Variants in C13orf46 observed in about 807,000 individuals in gnomAD.
C13orf46 encodes uncharacterized protein C13orf46.
the C13orf46 span, among the ~76,000 whole-genome samples, chr13:113,947,608 G>A: frequency 6.6e-6 from 1 of 152,204 alleles, no homozygotes; most frequent in Admixed American, 6.5e-5. Flanking sequence ...GGTGGAGCGG[G>A]GAGCTGGCAG....
the C13orf46 span, among the ~76,000 whole-genome samples, chr13:113,938,180 A>C: frequency 6.6e-6 from 1 of 152,116 alleles, no homozygotes; most frequent in Non-Finnish European, 1.5e-5. Flanking sequence ...GCCTCTCTGG[A>C]CCCAATAATT....
At chr13:113,933,926 G>A in the C13orf46 span, among the ~76,000 whole-genome samples, 309 of 152,268 alleles carry the variant, frequency 2.0e-3, no homozygotes, top group African/African-American at 7.1e-3. Context: ...CTAGGTTTCC[G>A]TGTGTTTGTT....
chr13:113,969,380 T>C (rs1470088679), intron 2 of C13orf46, among the ~76,000 whole-genome samples: 1 of 152,216 alleles, frequency 6.6e-6, no homozygotes, highest in African/African-American at 2.4e-5. Flanking sequence ...TCTTCCCAGC[T>C]CAACTGCCCT....
downstream of C13orf46, among the ~76,000 whole-genome samples, chr13:113,951,098 C>T (rs1177693307): frequency 6.6e-6 from 1 of 152,208 alleles, no homozygotes; most frequent in Non-Finnish European, 1.5e-5. Flanking sequence ...CCCTCATGGG[C>T]GTGTGGTCCT....
At chr13:113,929,222 G>A in the C13orf46 span, among the ~76,000 whole-genome samples, 1 of 152,344 alleles carries the variant, frequency 6.6e-6, no homozygotes, top group South Asian at 2.1e-4. Context: ...GCTGATGTCT[G>A]GAAGACAGTA....
At chr13:113,973,357 T>G (rs1331328092) in intron 1 of C13orf46, among the ~76,000 whole-genome samples, 1 of 152,168 alleles carries the variant, frequency 6.6e-6, no homozygotes, top group Non-Finnish European at 1.5e-5. Flanking sequence ...GAGACAAGTG[T>G]GTCCGACAGC....
intron 6 of C13orf46, among the ~76,000 whole-genome samples, chr13:113,964,417 A>G (rs1414936067): frequency 2.0e-5 from 3 of 152,130 alleles, no homozygotes; most frequent in Non-Finnish European, 4.4e-5. Flanking sequence ...GCCTGGGGAC[A>G]CGGATCATCT....
At chr13:113,957,266 T>C (rs1276696364) in intron 6 of C13orf46, among the ~76,000 whole-genome samples, 236 of 70,192 alleles carry the variant, frequency 3.4e-3, no homozygotes, top group Middle Eastern at 0.033. Context: ...TGCATGCACC[T>C]CCTTTCATCA....
chr13:113,948,203 C>T, the C13orf46 span, among the ~76,000 whole-genome samples: 1 of 152,184 alleles, frequency 6.6e-6, no homozygotes, highest in Non-Finnish European at 1.5e-5. Context: ...AGGAACCAGC[C>T]CCAGAAGAGC....
chr13:113,939,380 T>C, the C13orf46 span, among the ~76,000 whole-genome samples: 1 of 148,482 alleles, frequency 6.7e-6, no homozygotes, highest in African/African-American at 2.6e-5. Flanking sequence ...GACCACCCGA[T>C]GGGGAGGACA....
chr13:113,945,630 A>AAG, the C13orf46 span, among the ~76,000 whole-genome samples: 8 of 133,720 alleles, frequency 6.0e-5, no homozygotes, highest in African/African-American at 2.2e-4. Context: ...GAAAGAAAGA[A>AAG]AGAAAGAAAG....
chr13:113,929,556 C>T, the C13orf46 span, among the ~76,000 whole-genome samples: 1 of 152,234 alleles, frequency 6.6e-6, no homozygotes, highest in African/African-American at 2.4e-5. Context: ...GCACTTGGGC[C>T]AAGGCTGGAC....
chr13:113,933,953 T>C, the C13orf46 span, among the ~76,000 whole-genome samples: 1 of 152,186 alleles, frequency 6.6e-6, no homozygotes, highest in African/African-American at 2.4e-5. Flanking sequence ...TGGGTACGAC[T>C]CCGTGTGGAG....
At chr13:113,969,497 T>C (rs2052681903) in intron 2 of C13orf46, among the ~76,000 whole-genome samples, 1 of 152,254 alleles carries the variant, frequency 6.6e-6, no homozygotes, top group African/African-American at 2.4e-5. Flanking sequence ...GATTGCACCT[T>C]TGGCCGCTTC....
chr13:113,965,288 T>TG (rs2052624823), intron 5 of C13orf46, among the ~76,000 whole-genome samples: 1 of 152,186 alleles, frequency 6.6e-6, no homozygotes, highest in Non-Finnish European at 1.5e-5. Flanking sequence ...ATAGCCTTGT[T>TG]GGGGGTTAAC....
At chr13:113,947,319 G>T in the C13orf46 span, among the ~76,000 whole-genome samples, 1 of 152,188 alleles carries the variant, frequency 6.6e-6, no homozygotes. Context: ...ACTGGCTGCT[G>T]CCAGGGCAGG....
intron 6 of C13orf46, among the ~76,000 whole-genome samples, chr13:113,963,510 A>AG (rs1196452673): frequency 8.1e-6 from 1 of 123,388 alleles, no homozygotes; most frequent in Non-Finnish European, 1.6e-5. Flanking sequence ...CCCTGTCCTC[A>AG]GCCTCGCCCC....
chr13:113,934,219 T>C, the C13orf46 span, among the ~76,000 whole-genome samples: 1 of 152,268 alleles, frequency 6.6e-6, no homozygotes, highest in Non-Finnish European at 1.5e-5. Flanking sequence ...GGCACCACGA[T>C]GCGTCGGACA....
At chr13:113,941,690 C>T in the C13orf46 span, among the ~76,000 whole-genome samples, 2 of 152,212 alleles carry the variant, frequency 1.3e-5, no homozygotes, top group Non-Finnish European at 2.9e-5. Context: ...GTTCCAGCCT[C>T]GCAGGTGGCC....
Sources: allele counts gnomAD v4.1 joint callset (sites outside exome capture counted in the v4.1 genomes callset), GRCh38; gene constraint gnomAD v4.1.1; transcripts MANE v1.5; gene names NCBI Gene and HGNC (gene_info 2026-07-23, HGNC 2026-07-21).